SLC11A2: variants seen among roughly 807,000 people sequenced by gnomAD.
SLC11A2 encodes solute carrier family 11 member 2, also known as natural resistance-associated macrophage protein 2.
In SLC11A2, 38 loss-of-function variants were observed where a neutral mutation model predicts 68.0. The observed-to-expected ratio is 0.56, with a 90% CI of 0.43 to 0.73. SLC11A2 has a LOEUF of 0.73. Among genes scored for constraint, SLC11A2 ranks in the 30% least tolerant of loss-of-function variants. SLC11A2 has a pLI of 0.00. For synonymous variants in SLC11A2, 242 were observed against 250.6 expected (o/e 0.97, Z 0.32); for missense variants, 517 against 690.5 (o/e 0.75, Z 2.82).
chr12:50,976,761 C>A (rs1218935998), downstream of SLC11A2, among the ~76,000 whole-genome samples: 2 of 152,076 alleles, frequency 1.3e-5, no homozygotes, highest in Non-Finnish European at 2.9e-5. Context: ...TCGTCTCAGC[C>A]CAGAATCTCA....
At chr12:50,957,182 A>T in the SLC11A2 span, among the ~76,000 whole-genome samples, 1 of 151,954 alleles carries the variant, frequency 6.6e-6, no homozygotes, top group African/African-American at 2.4e-5. Context: ...TATTCCAAAC[A>T]TGCTATCCAC....
At chr12:51,004,756 G>A (rs779766050) in intron 5 of SLC11A2, 32 bp downstream of exon 5, 1 of 1,611,910 alleles carries the variant, frequency 6.2e-7, no homozygotes, top group South Asian at 1.1e-5. Flanking sequence ...TATGGCATGG[G>A]TGAGAGACAA....
chr12:51,008,360 A>C, intron 3 of SLC11A2, 116 bp downstream of exon 3: 2 of 778,060 alleles, frequency 2.6e-6, no homozygotes, highest in African/African-American at 1.7e-5. Context: ...TATAGTCTTC[A>C]GAGATTGCCA....
In SLC11A2 at chr12:50,996,980, C is replaced by T. The variant is rs775586091; in HGVS notation, c.676-8G>A. On this transcript the variant is annotated splice_polypyrimidine_tract_variant and splice_region_variant and intron_variant, in intron 8 of 15. Coordinates refer to ENST00000262052, the MANE Select transcript of SLC11A2 (RefSeq NM_000617.3). ...GGGTTTCACTGTAACATACTACATACCAACATAACAATGATTAGCCTTTAC... is the reference window on the plus strand; with the variant it reads ...GGGTTTCACTGTAACATACTACATATCAACATAACAATGATTAGCCTTTAC... 6.2e-7 allele frequency: 1 copy of T among 1,613,044 alleles called. No homozygotes were observed. The highest frequency in any genetic ancestry group is 8.5e-7 in the Non-Finnish European group (1 of 1,179,044).
Position 50,991,604 on chromosome 12 carries a change from A to G in SLC11A2, c.1416T>C (p.Asn472=). The change falls in exon 14 of 16, where the codon AAT becomes AAC. Residue 472 remains asparagine, a synonymous_variant. Transcript: ENST00000262052. ...SLRPVMSDFA[N]GLGWRIAGGI... is the part of the protein sequence containing the mutation. ...ACGAAGAGGAGTACACTCACAGTCC[A>G]TTGGCAAAGTCACTCATTACTGGCC... is the stretch of plus-strand genomic sequence containing the variant. 3 of 1,613,676 alleles carry G rather than the reference A, an allele frequency of 1.9e-6. No homozygotes were observed. Among genetic ancestry groups the G allele is most frequent in the African/African-American group, 2.7e-5 (2 of 75,022 alleles).
rs368467199 is a variant in SLC11A2, at chr12:50,991,799, C to T, written c.1348-127G>A. 2.5e-5 allele frequency: 19 copies of T among 768,394 alleles called. No individual in the cohort carries two copies. The African/African-American group carries it at 3.3e-4, about 13-fold the overall frequency. 47.6% of individuals were successfully genotyped at this position (768,394 alleles called of 1,614,324 possible). On this transcript the variant is annotated intron_variant, in intron 13 of 15. Coordinates refer to ENST00000262052, the MANE Select transcript of SLC11A2 (RefSeq NM_000617.3). The stretch of plus-strand genomic sequence containing the variant: ...CTCCATGAGAAATAATTATTCCTAT[C>T]ATCCCAACATGCTTGGGCATTATGC...
Position 51,005,304 on chromosome 12 carries a change from T to A in SLC11A2, c.309+7A>T, listed in dbSNP as rs1401696849. 1 of 1,613,820 alleles carries A rather than the reference T, an allele frequency of 6.2e-7. No homozygotes were observed. Among genetic ancestry groups the A allele is most frequent in the Admixed American group, 1.7e-5 (1 of 59,990 alleles). On this transcript the variant is annotated splice_region_variant and intron_variant, in intron 4 of 15. Transcript: ENST00000262052. ...TTAAAAGGACAGGGGTAGGACTAGA[T>A]GTTCACCTTAAATCCAGCCACTGCT...
chr12:50,962,165 C>G, the SLC11A2 span, among the ~76,000 whole-genome samples: 1 of 152,056 alleles, frequency 6.6e-6, no homozygotes, highest in South Asian at 2.1e-4. Flanking sequence ...GCGGGCAGAT[C>G]AACTGAGGTA....
At chr12:50,985,929 C>T, downstream of SLC11A2, 1 of 1,099,640 alleles carries the variant, frequency 9.1e-7, no homozygotes, top group Non-Finnish European at 1.1e-6. Flanking sequence ...TTTTTTGTAT[C>T]AAAGTTGTTG....
At chr12:50,965,018 T>C in the SLC11A2 span, among the ~76,000 whole-genome samples, 1 of 152,144 alleles carries the variant, frequency 6.6e-6, no homozygotes, top group South Asian at 2.1e-4. Flanking sequence ...CCATTGCATC[T>C]AGCCACTCTG....
chr12:50,974,266 G>A, the SLC11A2 span, among the ~76,000 whole-genome samples: 1 of 152,208 alleles, frequency 6.6e-6, no homozygotes, highest in African/African-American at 2.4e-5. Context: ...ACAAAGGGAA[G>A]CCCATCAGAC....
the SLC11A2 span, among the ~76,000 whole-genome samples, chr12:50,958,902 A>G: frequency 1.3e-5 from 2 of 151,542 alleles, no homozygotes; most frequent in Admixed American, 6.6e-5. Context: ...CTGTAATCCC[A>G]GCTACTAGGG....
chr12:51,027,066 C>T (rs905277583), upstream of SLC11A2, among the ~76,000 whole-genome samples: 5 of 152,104 alleles, frequency 3.3e-5, no homozygotes, highest in African/African-American at 1.2e-4. Context: ...ATCCCAGCTA[C>T]TCGGGAGGCT....
chr12:50,987,475 A>G lies in SLC11A2; in HGVS notation c.*850T>C, dbSNP rs775972186. 1 of 1,287,218 alleles carries G rather than the reference A, an allele frequency of 7.8e-7. No homozygotes were observed. The highest frequency in any genetic ancestry group is 1.2e-5 in the South Asian group (1 of 80,940). 79.7% of individuals were successfully genotyped at this position (1,287,218 alleles called of 1,614,324 possible). On this transcript the variant is annotated 3_prime_UTR_variant, in exon 16 of 16. Transcript: ENST00000262052. Reference sequence around the variant, plus strand: ...ATTTCACGAGAACATCAGTTCATAAATACTACCATCTGTTTCTATCACCAC... The same window carrying G: ...ATTTCACGAGAACATCAGTTCATAAGTACTACCATCTGTTTCTATCACCAC...
At chr12:50,965,080 G>C in the SLC11A2 span, among the ~76,000 whole-genome samples, 1 of 152,000 alleles carries the variant, frequency 6.6e-6, no homozygotes, top group Non-Finnish European at 1.5e-5. Flanking sequence ...CCCTCTAGGA[G>C]TAGGGTAATG....
chr12:50,953,700 G>A, the SLC11A2 span, among the ~76,000 whole-genome samples: 1 of 152,300 alleles, frequency 6.6e-6, no homozygotes, highest in East Asian at 1.9e-4. Flanking sequence ...CTCAAATGCT[G>A]AGCAGTGGAA....
the SLC11A2 span, among the ~76,000 whole-genome samples, chr12:50,972,625 G>A: frequency 2.6e-4 from 39 of 152,318 alleles, no homozygotes; most frequent in Non-Finnish European, 4.4e-4. Context: ...ATCTCACTGG[G>A]GATTGTCAGA....
chr12:50,996,006 A>G (rs1941670220), intron 9 of SLC11A2, among the ~76,000 whole-genome samples: 1 of 152,172 alleles, frequency 6.6e-6, no homozygotes, highest in Non-Finnish European at 1.5e-5. Context: ...TGAACTGTAC[A>G]TTCCCCAAAT....
the SLC11A2 span, among the ~76,000 whole-genome samples, chr12:50,953,148 G>T: frequency 6.6e-6 from 1 of 152,170 alleles, no homozygotes; most frequent in Non-Finnish European, 1.5e-5. Context: ...TTATCAATTA[G>T]TTGGAAATTG....
Sources: gnomAD v4.1 joint callset for allele counts (sites outside exome capture counted in the v4.1 genomes callset) on GRCh38, gnomAD v4.1.1 for gene constraint, MANE v1.5 for transcripts, NCBI Gene and HGNC (gene_info 2026-07-23, HGNC 2026-07-21) for gene names.